Variants in CERS6 observed in about 807,000 individuals in gnomAD.
The protein encoded by CERS6 is ceramide synthase 6.
In CERS6, 26 loss-of-function variants were observed where a neutral mutation model predicts 56.8. The observed-to-expected ratio is 0.46, with a 90% confidence interval of 0.34 to 0.63. The LOEUF is 0.63. CERS6 is among the 30% of genes least tolerant of loss of function. The pLI is 0.01. For synonymous variants in CERS6, 164 were observed against 173.3 expected (o/e 0.95, Z 0.42); for missense variants, 415 against 467.5 (o/e 0.89, Z 1.04).
chr2:168,474,701 G>GT (rs1205509864), intron 1 of CERS6, among the ~76,000 whole-genome samples: 1 of 152,090 alleles, frequency 6.6e-6, no homozygotes, highest in African/African-American at 2.4e-5. Flanking sequence ...AGAAATTCAA[G>GT]TTTATACTTT....
chr2:168,474,260 G>A (rs1277342376), intron 1 of CERS6, among the ~76,000 whole-genome samples: 1 of 152,050 alleles, frequency 6.6e-6, no homozygotes, highest in Non-Finnish European at 1.5e-5. Flanking sequence ...TTCCATAAAT[G>A]CTATAGGAAA....
intron 1 of CERS6, among the ~76,000 whole-genome samples, chr2:168,481,214 G>C (rs1441876836): frequency 6.6e-6 from 1 of 152,162 alleles, no homozygotes; most frequent in Non-Finnish European, 1.5e-5. Flanking sequence ...AGGAGATCGA[G>C]ACCATCCTGG....
At chr2:168,629,564 A>T (rs1348592081) in intron 3 of CERS6, among the ~76,000 whole-genome samples, 1 of 152,186 alleles carries the variant, frequency 6.6e-6, no homozygotes, top group African/African-American at 2.4e-5. Context: ...TGGGTACATA[A>T]TTTGCAGAAT....
intron 3 of CERS6, among the ~76,000 whole-genome samples, chr2:168,620,923 A>G (rs1213828686): frequency 6.6e-6 from 1 of 151,950 alleles, no homozygotes. Context: ...TCACCAAGCC[A>G]GGCTAATTTT....
chr2:168,670,393 C>T (rs1259240282), intron 4 of CERS6, among the ~76,000 whole-genome samples: 1 of 152,126 alleles, frequency 6.6e-6, no homozygotes, highest in African/African-American at 2.4e-5. Context: ...TTATCCCCAT[C>T]CCAGAGCTCT....
chr2:168,672,510 G>C (rs1317555774), intron 4 of CERS6, among the ~76,000 whole-genome samples: 3 of 152,180 alleles, frequency 2.0e-5, no homozygotes, highest in Non-Finnish European at 4.4e-5. Context: ...GATAAAGAGA[G>C]GCCTAATTCT....
intron 1 of CERS6, among the ~76,000 whole-genome samples, chr2:168,530,427 A>G (rs1221369832): frequency 6.6e-6 from 1 of 152,264 alleles, no homozygotes; most frequent in Non-Finnish European, 1.5e-5. Flanking sequence ...ATATTGGCTA[A>G]CATATAGTGG....
In CERS6 at chr2:168,467,037, C is replaced by T. The variant is rs562053648; in HGVS notation, c.170+10419C>T. 6.6e-5 allele frequency among the ~76,000 whole-genome samples: 10 copies of T among 152,296 alleles called. No individual in the cohort carries two copies. The South Asian group carries it at 2.1e-3, about 32-fold the overall frequency. On this transcript the variant is annotated intron_variant, in intron 1 of 9. Transcript: ENST00000305747. ...TTGTATTTTCTTTCTTTCCTTTCCT[C>T]GATTCCTCCCCCACCTTCCTTCCCT... is the stretch of plus-strand genomic sequence containing the variant.
intron 3 of CERS6, among the ~76,000 whole-genome samples, chr2:168,579,560 C>T (rs1683358850): frequency 6.6e-6 from 1 of 152,238 alleles, no homozygotes; most frequent in African/African-American, 2.4e-5. Flanking sequence ...ACCCCCTTTT[C>T]TTCTACGTTT....
intron 3 of CERS6, among the ~76,000 whole-genome samples, chr2:168,620,062 C>CACACACACACACACACATATACATAT (rs1439012361): frequency 1.7e-4 from 12 of 70,028 alleles, no homozygotes; most frequent in Admixed American, 1.5e-3. Flanking sequence ...CACACACACA[C>CACACACACACACACACATATACATAT]ATATTTATAT....
At chr2:168,685,397 C>G (rs1167989474) in intron 4 of CERS6, among the ~76,000 whole-genome samples, 2 of 152,144 alleles carry the variant, frequency 1.3e-5, no homozygotes, top group Non-Finnish European at 2.9e-5. Flanking sequence ...TCTATTTAAC[C>G]ATTGACCACT....
chr2:168,486,529 T>G (rs1253151048), intron 1 of CERS6, among the ~76,000 whole-genome samples: 2 of 151,448 alleles, frequency 1.3e-5, no homozygotes, highest in Non-Finnish European at 3.0e-5. Context: ...GTTTTGTTTT[T>G]TTTTTTTTTG....
intron 4 of CERS6, among the ~76,000 whole-genome samples, chr2:168,689,249 A>G (rs1686436897): frequency 6.6e-6 from 1 of 152,220 alleles, no homozygotes; most frequent in Non-Finnish European, 1.5e-5. Context: ...AAGGACTTTC[A>G]GTTGAGGAGA....
At chr2:168,746,097 C>T (rs1438187603) in intron 8 of CERS6, among the ~76,000 whole-genome samples, 2 of 152,220 alleles carry the variant, frequency 1.3e-5, no homozygotes, top group Non-Finnish European at 2.9e-5. Flanking sequence ...CCCAGTGGCA[C>T]ATCCTCTTGA....
chr2:168,472,357 A>G (rs1179930013), intron 1 of CERS6, among the ~76,000 whole-genome samples: 1 of 152,196 alleles, frequency 6.6e-6, no homozygotes. Context: ...AGAAGCTTTA[A>G]AAACCGTTTG....
In CERS6 at chr2:168,534,384, C is replaced by A. The variant is rs186229522; in HGVS notation, c.171-13212C>A. On this transcript the variant is annotated intron_variant, in intron 1 of 9. Coordinates refer to ENST00000305747, the MANE Select transcript of CERS6 (RefSeq NM_203463.3). ...AGTTTCGATCTTTGAACCTGCTAACCCTTGGATGCGGTTTTTGTGGGGCTT... is the reference window on the plus strand; with the variant it reads ...AGTTTCGATCTTTGAACCTGCTAACACTTGGATGCGGTTTTTGTGGGGCTT... 7.5e-5 allele frequency among the ~76,000 whole-genome samples: 11 copies of A among 147,512 alleles called. No homozygotes were observed. The Admixed American group carries it at 7.5e-4, about 10-fold the overall frequency.
At chr2:168,590,309 G>A (rs1683642546) in intron 3 of CERS6, among the ~76,000 whole-genome samples, 1 of 152,152 alleles carries the variant, frequency 6.6e-6, no homozygotes, top group Admixed American at 6.5e-5. Flanking sequence ...CTTAGGTTCA[G>A]TAACAAATTT....
chr2:168,650,178 G>A (rs1257667050), intron 4 of CERS6, among the ~76,000 whole-genome samples: 2 of 152,186 alleles, frequency 1.3e-5, no homozygotes, highest in Admixed American at 6.5e-5. Flanking sequence ...GGAATAGATA[G>A]CTGAAGCCAA....
At chr2:168,531,220 G>A (rs1398647438) in intron 1 of CERS6, among the ~76,000 whole-genome samples, 1 of 152,154 alleles carries the variant, frequency 6.6e-6, no homozygotes, top group African/African-American at 2.4e-5. Flanking sequence ...GAGGAAATGG[G>A]TTTACATTTC....
Sources: allele counts gnomAD v4.1 joint callset (sites outside exome capture counted in the v4.1 genomes callset), GRCh38; gene constraint gnomAD v4.1.1; transcripts MANE v1.5; gene names NCBI Gene and HGNC (gene_info 2026-07-23, HGNC 2026-07-21).